SLC4A10: variants seen among roughly 807,000 people sequenced by gnomAD.
The protein encoded by SLC4A10 is solute carrier family 4 member 10.
A neutral mutation model predicts 137.7 loss-of-function variants in SLC4A10; 42 were observed. The ratio of observed to expected loss-of-function variants is 0.30; its 90% CI spans 0.24 to 0.39. SLC4A10 has a LOEUF of 0.39. Ranked by LOEUF, SLC4A10 falls within the 10% of genes least tolerant of loss-of-function variation. The pLI is 1.00. For missense variants in SLC4A10, 925 were observed against 1,355.0 expected (o/e 0.68, Z 4.98); for synonymous variants, 474 against 464.1 (o/e 1.02, Z -0.27).
At chr2:161,755,457 T>C (rs2049508399) in intron 1 of SLC4A10, among the ~76,000 whole-genome samples, 1 of 152,184 alleles carries the variant, frequency 6.6e-6, no homozygotes, top group Non-Finnish European at 1.5e-5. Context: ...CTTTAAAATA[T>C]GGATCATAGA....
At chr2:161,659,322 G>C (rs1054363979) in intron 1 of SLC4A10, among the ~76,000 whole-genome samples, 3 of 152,192 alleles carry the variant, frequency 2.0e-5, no homozygotes, top group African/African-American at 7.2e-5. Context: ...ACTTATAATT[G>C]GGAACTAAAT....
intron 1 of SLC4A10, among the ~76,000 whole-genome samples, chr2:161,725,257 C>A (rs533072566): frequency 7.8e-4 from 118 of 152,128 alleles, no homozygotes; most frequent in Non-Finnish European, 1.4e-3. Flanking sequence ...TGACTAGAAG[C>A]ATTGACCTGT....
intron 3 of SLC4A10, among the ~76,000 whole-genome samples, chr2:161,823,533 T>C (rs1314920342): frequency 6.6e-6 from 1 of 152,196 alleles, no homozygotes; most frequent in African/African-American, 2.4e-5. Context: ...ACGGAACCCG[T>C]ATGAAGTGCC....
chr2:161,842,790 G>A (rs1446613724), intron 4 of SLC4A10, among the ~76,000 whole-genome samples: 1 of 152,048 alleles, frequency 6.6e-6, no homozygotes, highest in Non-Finnish European at 1.5e-5. Flanking sequence ...TCTTTATTTG[G>A]TGACAGAAAG....
intron 26 of SLC4A10, among the ~76,000 whole-genome samples, chr2:161,978,398 A>AAAG (rs1214978117): frequency 8.8e-5 from 13 of 148,434 alleles, no homozygotes; most frequent in Admixed American, 1.3e-4. Context: ...AAAAAAAAAA[A>AAAG]AAAGAAAAGA....
At chr2:161,820,273 A>G (rs976780746) in intron 3 of SLC4A10, among the ~76,000 whole-genome samples, 7 of 152,188 alleles carry the variant, frequency 4.6e-5, no homozygotes, top group Non-Finnish European at 2.9e-5. Context: ...TTAATGACCA[A>G]TTAGGTGCTA....
In SLC4A10 at chr2:161,974,206, A is replaced by G. The variant is rs1395456066; in HGVS notation, c.3160-43A>G. ...GTTTCTTCTTTAATGTAAAATGGAG[A>G]CTCATCAGGTTCACTTTATATACTT... On this transcript the variant is annotated intron_variant, in intron 23 of 26. Coordinates refer to ENST00000446997, the MANE Select transcript of SLC4A10 (RefSeq NM_001178015.2). 2.0e-6 allele frequency: 3 copies of G among 1,464,164 alleles called. 1 individual carries two copies. Among genetic ancestry groups the G allele is most frequent in the South Asian group, 2.6e-5 (2 of 78,122 alleles). 90.7% of individuals were successfully genotyped at this position (1,464,164 alleles called of 1,614,324 possible).
chr2:161,844,883 ATCT>A, intron 4 of SLC4A10, among the ~76,000 whole-genome samples: 1 of 152,202 alleles, frequency 6.6e-6, no homozygotes, highest in Admixed American at 6.5e-5. Context: ...AATGAAAATA[ATCT>A]TCTCAGGGTT....
chr2:161,875,699 T>C (rs1444728903), intron 8 of SLC4A10, among the ~76,000 whole-genome samples: 3 of 152,226 alleles, frequency 2.0e-5, no homozygotes, highest in Non-Finnish European at 4.4e-5. Flanking sequence ...ATTTTCTACA[T>C]AGAAAGAACT....
Position 161,947,492 on chromosome 2 carries a change from A to G in SLC4A10, c.2104-74A>G. 2.1e-6 allele frequency: 3 copies of G among 1,453,808 alleles called. No individual in the cohort carries two copies. In the South Asian group the frequency reaches 4.0e-5, roughly 19 times the overall value. 90.1% of individuals were successfully genotyped at this position (1,453,808 alleles called of 1,614,324 possible). On this transcript the variant is annotated intron_variant, in intron 16 of 26. Transcript: ENST00000446997. ...CAGCATCTGAACTACAATTGATCAG[A>G]AGGTGTTAGTTTTCTGCAAGAAATG...
At chr2:161,724,590 A>C (rs1178462453) in intron 1 of SLC4A10, among the ~76,000 whole-genome samples, 1 of 152,198 alleles carries the variant, frequency 6.6e-6, no homozygotes, top group Non-Finnish European at 1.5e-5. Context: ...GGGGGTTGTC[A>C]AGAAAAGCTT....
chr2:161,755,936 A>G (rs2049584958), intron 1 of SLC4A10, among the ~76,000 whole-genome samples: 1 of 151,772 alleles, frequency 6.6e-6, no homozygotes, highest in Non-Finnish European at 1.5e-5. Flanking sequence ...TGCCCAGCTA[A>G]TTTTTTGTAT....
intron 19 of SLC4A10, 95 bp downstream of exon 19, chr2:161,950,943 T>A: frequency 1.0e-6 from 1 of 989,192 alleles, no homozygotes. Flanking sequence ...ATTTGCACAG[T>A]GAAATATATA....
chr2:161,624,589 A>G (rs2031870927), intron 1 of SLC4A10, 23 bp downstream of exon 1: 1 of 1,551,836 alleles, frequency 6.4e-7, no homozygotes, highest in Non-Finnish European at 8.7e-7. Flanking sequence ...CTGCTATCAC[A>G]TAGATTAACC....
At chr2:161,838,346 G>A (rs1274102022) in intron 3 of SLC4A10, among the ~76,000 whole-genome samples, 1 of 151,602 alleles carries the variant, frequency 6.6e-6, no homozygotes, top group Non-Finnish European at 1.5e-5. Context: ...ATGGACCATA[G>A]CTTCAAGATG....
At chr2:161,675,102 A>C (rs2040138699) in intron 1 of SLC4A10, among the ~76,000 whole-genome samples, 1 of 152,338 alleles carries the variant, frequency 6.6e-6, no homozygotes, top group South Asian at 2.1e-4. Flanking sequence ...GTGAAGTTGC[A>C]ATCAGGCCAG....
intron 21 of SLC4A10, among the ~76,000 whole-genome samples, chr2:161,960,399 A>G (rs1696466912): frequency 6.7e-6 from 1 of 150,036 alleles, no homozygotes; most frequent in East Asian, 2.0e-4. Context: ...AGAGGGGAGA[A>G]CACAGAGAGA....
chr2:161,698,445 G>C (rs974483190), intron 1 of SLC4A10, among the ~76,000 whole-genome samples: 1 of 152,156 alleles, frequency 6.6e-6, no homozygotes, highest in Non-Finnish European at 1.5e-5. Flanking sequence ...CTGTGGGGTT[G>C]TCATAAATAG....
chr2:161,636,226 A>C (rs923082217), intron 1 of SLC4A10, among the ~76,000 whole-genome samples: 1 of 152,096 alleles, frequency 6.6e-6, no homozygotes, highest in Non-Finnish European at 1.5e-5. Context: ...CTCTTGTATA[A>C]GTGAGATCAT....
Sources: gnomAD v4.1 joint callset for allele counts (sites outside exome capture counted in the v4.1 genomes callset) on GRCh38, gnomAD v4.1.1 for gene constraint, MANE v1.5 for transcripts, NCBI Gene and HGNC (gene_info 2026-07-23, HGNC 2026-07-21) for gene names.